The following MAGI2 variants were observed in gnomAD, a reference collection of about 807,000 sequenced individuals.
The protein encoded by MAGI2 is membrane associated guanylate kinase, WW and PDZ domain containing 2, also known as membrane-associated guanylate kinase, WW and PDZ domain-containing protein 2.
In MAGI2, 35 loss-of-function variants were observed where a neutral mutation model predicts 133.3. The observed-to-expected ratio is 0.26, with a 90% confidence interval of 0.20 to 0.35. The LOEUF (loss-of-function observed/expected upper bound fraction) is 0.35, where lower values mean the gene tolerates loss of function less well. Ranked by LOEUF, MAGI2 falls within the 10% of genes least tolerant of loss-of-function variation. MAGI2 has a pLI of 1.00. For missense variants in MAGI2, 1,636 were observed against 1,863.4 expected, an observed-to-expected ratio of 0.88 and a Z score of 2.25; for synonymous variants, 729 against 710.6, an observed-to-expected ratio of 1.03 and a Z score of -0.41.
At chr7:79,237,975 A>G (rs1832070391) in intron 1 of MAGI2, among the ~76,000 whole-genome samples, 1 of 152,228 alleles carries the variant, frequency 6.6e-6, no homozygotes, top group Non-Finnish European at 1.5e-5. Context: ...TAATATCAGC[A>G]TAATTTGACA....
At chr7:79,048,278 T>C (rs1445430972) in intron 1 of MAGI2, among the ~76,000 whole-genome samples, 2 of 152,240 alleles carry the variant, frequency 1.3e-5, no homozygotes, top group African/African-American at 4.8e-5. Flanking sequence ...AGAAAACACA[T>C]TAAATTCCTT....
chr7:79,098,192 A>C (rs1187043064), intron 1 of MAGI2, among the ~76,000 whole-genome samples: 1 of 152,092 alleles, frequency 6.6e-6, no homozygotes, highest in African/African-American at 2.4e-5. Context: ...TGTGTGTGTA[A>C]TAGTTGGAGC....
intron 2 of MAGI2, among the ~76,000 whole-genome samples, chr7:78,820,452 G>A: frequency 6.6e-6 from 1 of 151,882 alleles, no homozygotes; most frequent in Non-Finnish European, 1.5e-5. Flanking sequence ...AATTAAAAAA[G>A]AGAGGAGTGA....
At chr7:79,294,163 G>C (rs1239822044) in intron 1 of MAGI2, among the ~76,000 whole-genome samples, 1 of 142,666 alleles carries the variant, frequency 7.0e-6, no homozygotes, top group Non-Finnish European at 1.5e-5. Context: ...GGGCAACAGA[G>C]TGAGACTCCG....
intron 1 of MAGI2, among the ~76,000 whole-genome samples, chr7:79,277,324 A>G (rs1410920764): frequency 3.3e-5 from 5 of 152,156 alleles, no homozygotes; most frequent in Non-Finnish European, 7.4e-5. Context: ...TTTAGTTAAA[A>G]TACATACATT....
intron 2 of MAGI2, among the ~76,000 whole-genome samples, chr7:78,766,168 C>T (rs1209396243): frequency 2.6e-5 from 4 of 152,044 alleles, no homozygotes; most frequent in East Asian, 1.9e-4. Context: ...TTTATTTGGC[C>T]GGGGTTGTGC....
intron 20 of MAGI2, among the ~76,000 whole-genome samples, chr7:78,123,056 T>C (rs1820618010): frequency 6.6e-6 from 1 of 152,220 alleles, no homozygotes; most frequent in African/African-American, 2.4e-5. Context: ...TGAATGTCCA[T>C]TGTGTTTCTC....
At chr7:78,643,055 G>T (rs1810477430) in intron 2 of MAGI2, among the ~76,000 whole-genome samples, 1 of 152,116 alleles carries the variant, frequency 6.6e-6, no homozygotes, top group African/African-American at 2.4e-5. Context: ...ATATCCTATG[G>T]CTATCCCAGT....
Position 78,523,978 on chromosome 7 carries a change from C to T in MAGI2, c.539-2333G>A, listed in dbSNP as rs141455633. On this transcript the variant is annotated intron_variant, in intron 3 of 21. Coordinates refer to ENST00000354212, the MANE Select transcript of MAGI2 (RefSeq NM_012301.4). The stretch of plus-strand genomic sequence containing the variant: ...GATGGTTCTACTAACAAAGGGACAA[C>T]CCACAGTGCAAACTGCCTCCATGAG... Among the ~76,000 whole-genome samples, 1,181 of 152,210 alleles carry T rather than the reference C, an allele frequency of 7.8e-3. 20 individuals carry two copies. Among genetic ancestry groups the T allele is most frequent in the African/African-American group, 0.027 (1,107 of 41,518 alleles).
intron 1 of MAGI2, among the ~76,000 whole-genome samples, chr7:79,119,076 TA>T (rs1157680741): frequency 1.3e-5 from 2 of 152,116 alleles, no homozygotes; most frequent in African/African-American, 4.8e-5. Context: ...ATTTTCCCTA[TA>T]AAAATACATA....
At chr7:78,542,490 G>A (rs376348020) in intron 3 of MAGI2, among the ~76,000 whole-genome samples, 6 of 152,146 alleles carry the variant, frequency 3.9e-5, no homozygotes, top group Admixed American at 1.3e-4. Flanking sequence ...TCAGAATACC[G>A]TAAGAGAGGG....
intron 2 of MAGI2, among the ~76,000 whole-genome samples, chr7:78,925,003 A>G (rs1799582921): frequency 6.6e-6 from 1 of 151,968 alleles, no homozygotes; most frequent in African/African-American, 2.4e-5. Context: ...CTTTATTTTG[A>G]CATGTGATTT....
chr7:78,622,042 T>C lies in MAGI2; in HGVS notation c.538+5078A>G, dbSNP rs887099509. Among the ~76,000 whole-genome samples the C allele has an allele frequency of 2.0e-5, 3 of 152,052 alleles. No individual in the cohort carries two copies. The South Asian group carries it at 6.2e-4, about 31-fold the overall frequency. On this transcript the variant is annotated intron_variant, in intron 3 of 21. Transcript: ENST00000354212. Reference sequence around the variant, plus strand: ...ACTAGACATTTTATAAAGGACTCTCTTGATCTTTGTGAATAGAAAACACAA... The same window carrying C: ...ACTAGACATTTTATAAAGGACTCTCCTGATCTTTGTGAATAGAAAACACAA...
At chr7:78,381,343 C>G (rs539510472) in intron 6 of MAGI2, among the ~76,000 whole-genome samples, 1 of 132,716 alleles carries the variant, frequency 7.5e-6, no homozygotes, top group Admixed American at 7.7e-5. Flanking sequence ...AAGACTCTGT[C>G]TCAATTAAAA....
chr7:78,937,779 A>AG (rs1462142586), intron 2 of MAGI2, among the ~76,000 whole-genome samples: 1 of 152,160 alleles, frequency 6.6e-6, no homozygotes, highest in African/African-American at 2.4e-5. Context: ...ATCACAGGCA[A>AG]GATACTTAAC....
chr7:78,724,277 C>G (rs1409533408), intron 2 of MAGI2, among the ~76,000 whole-genome samples: 1 of 152,096 alleles, frequency 6.6e-6, no homozygotes, highest in African/African-American at 2.4e-5. Flanking sequence ...AGGTTCAAAA[C>G]AGAGACTAAA....
At chr7:78,870,290 T>C (rs1794924013) in intron 2 of MAGI2, among the ~76,000 whole-genome samples, 1 of 148,880 alleles carries the variant, frequency 6.7e-6, no homozygotes, top group Non-Finnish European at 1.5e-5. Context: ...GAGGCTGCAG[T>C]CAGTTGAGAC....
chr7:78,769,209 T>A (rs1398117817), intron 2 of MAGI2, among the ~76,000 whole-genome samples: 1 of 151,984 alleles, frequency 6.6e-6, no homozygotes, highest in African/African-American at 2.4e-5. Context: ...CATGATAAGA[T>A]ACAAAAACAC....
intron 1 of MAGI2, among the ~76,000 whole-genome samples, chr7:79,294,940 G>A (rs954665071): frequency 1.3e-5 from 2 of 150,518 alleles, no homozygotes; most frequent in African/African-American, 4.9e-5. Flanking sequence ...GGGTTTCACC[G>A]TGTTAGCCAC....
Sources: allele counts gnomAD v4.1 joint callset (sites outside exome capture counted in the v4.1 genomes callset), GRCh38; gene constraint gnomAD v4.1.1; transcripts MANE v1.5; gene names NCBI Gene and HGNC (gene_info 2026-07-23, HGNC 2026-07-21).